The following INTS6 variants were observed in gnomAD, a reference collection of about 807,000 sequenced individuals.
INTS6 encodes integrator complex subunit 6.
In INTS6, 16 loss-of-function variants were observed where a neutral mutation model predicts 104.9. The observed-to-expected ratio is 0.15, with a 90% CI of 0.10 to 0.23. INTS6 has a LOEUF of 0.23. Ranked by LOEUF, INTS6 falls within the 10% of genes least tolerant of loss-of-function variation. The pLI is 1.00. For synonymous variants in INTS6, 324 were observed against 358.7 expected, an observed-to-expected ratio of 0.90 and a Z score of 1.09; for missense variants, 584 against 1,062.8, an observed-to-expected ratio of 0.55 and a Z score of 6.26.
In INTS6 at chr13:51,452,472, G is replaced by A. The variant is rs140804137; in HGVS notation, c.54C>T (p.Ser18=). 56 of 1,612,080 alleles carry A rather than the reference G, an allele frequency of 3.5e-5. No individual in the cohort carries two copies. The highest frequency in any genetic ancestry group is 3.3e-4 in the Admixed American group (20 of 59,950). Residue 18 remains serine, a synonymous_variant, in exon 1 of 18, where the codon AGC becomes AGT. Coordinates refer to ENST00000311234, the MANE Select transcript of INTS6 (RefSeq NM_012141.3). This position sits in a 1 kb window ranked among gnomAD's most constrained non-coding sequence, Gnocchi z 4.2. ...IDTSASMNQR[S]HLGTTYLDTA... ...TGTCCAGGTAGGTGGTGCCCAGATG[G>A]CTGCGCTGGTTCATAGAGGCAGACG...
downstream of INTS6, among the ~76,000 whole-genome samples, chr13:51,360,757 CAATAAA>C (rs1281421765): frequency 2.0e-5 from 3 of 151,996 alleles, no homozygotes; most frequent in Admixed American, 2.0e-4. Context: ...AATTGTGCCT[CAATAAA>C]GCCTGTAATA....
the INTS6 span, chr13:51,348,695 G>A: frequency 2.5e-6 from 1 of 396,488 alleles, no homozygotes; most frequent in South Asian, 4.9e-5. Context: ...AGCCCCCCAG[G>A]ACCCCCTGAT....
intron 4 of INTS6, among the ~76,000 whole-genome samples, chr13:51,416,563 T>C (rs982756027): frequency 6.6e-6 from 1 of 152,234 alleles, no homozygotes. Context: ...TTGTATTCCT[T>C]TTTAAGGCTG....
chr13:51,385,838 T>A (rs1956133053), intron 7 of INTS6, among the ~76,000 whole-genome samples: 1 of 152,148 alleles, frequency 6.6e-6, no homozygotes, highest in South Asian at 2.1e-4. Context: ...GTGAACCATA[T>A]CAATAGCCCT....
At chr13:51,410,189 T>C (rs968423128) in intron 4 of INTS6, among the ~76,000 whole-genome samples, 1 of 152,176 alleles carries the variant, frequency 6.6e-6, no homozygotes, top group African/African-American at 2.4e-5. Flanking sequence ...GTAATTCCAA[T>C]AAAAATTGCA....
chr13:51,380,386 T>C (rs1170228283), intron 10 of INTS6, among the ~76,000 whole-genome samples: 1 of 152,196 alleles, frequency 6.6e-6, no homozygotes, highest in Non-Finnish European at 1.5e-5. Context: ...TATTAGAAAG[T>C]GTATAAGCAC....
chr13:51,337,759 G>A, the INTS6 span, among the ~76,000 whole-genome samples: 2 of 152,202 alleles, frequency 1.3e-5, no homozygotes, highest in Admixed American at 6.5e-5. Context: ...GTCTAATAGA[G>A]TAGCTGGAAC....
the INTS6 span, among the ~76,000 whole-genome samples, chr13:51,336,046 C>T: frequency 6.6e-6 from 1 of 152,132 alleles, no homozygotes; most frequent in African/African-American, 2.4e-5. Flanking sequence ...GCAGCAACAA[C>T]TTATGTTAAC....
chr13:51,339,250 C>A, the INTS6 span: 1 of 152,222 alleles, frequency 6.6e-6, no homozygotes, highest in Admixed American at 6.5e-5. Context: ...TGCAGAATTT[C>A]TTTTCATTTG....
chr13:51,398,560 A>G (rs1956380873), intron 4 of INTS6, among the ~76,000 whole-genome samples: 1 of 152,134 alleles, frequency 6.6e-6, no homozygotes, highest in African/African-American at 2.4e-5. Flanking sequence ...CCAAGTGATG[A>G]CAAGAATATA....
the INTS6 span, chr13:51,341,478 C>A: frequency 1.1e-6 from 1 of 901,420 alleles, no homozygotes; most frequent in Non-Finnish European, 1.7e-6. Context: ...CACACTCACT[C>A]TCTCCAGCTC....
In INTS6 at chr13:51,361,739, C is replaced by G; in HGVS notation, c.*4013G>C. 1.5e-6 allele frequency: 2 copies of G among 1,354,618 alleles called. No homozygotes were observed. Among genetic ancestry groups the G allele is most frequent in the Non-Finnish European group, 2.0e-6 (2 of 996,952 alleles). The allele number at this position is 1,354,618 out of a possible 1,614,324, so 83.9% of individuals were successfully genotyped here. A position where few individuals can be genotyped will look rare whatever the true frequency, so the allele number is the denominator to read the frequency against. On this transcript the variant is annotated 3_prime_UTR_variant, in exon 18 of 18. Transcript: ENST00000311234. ...TTTGATTTCTTAAAAAATTAACTTA[C>G]TTCATAACCAATAGTTATTTTCTTA...
chr13:51,403,868 G>C (rs1323948828), intron 4 of INTS6, among the ~76,000 whole-genome samples: 2 of 152,002 alleles, frequency 1.3e-5, no homozygotes, highest in Non-Finnish European at 1.5e-5. Flanking sequence ...CAAAGTAAAA[G>C]AGATGCAAAG....
chr13:51,358,705 C>T (rs1357406255), downstream of INTS6, among the ~76,000 whole-genome samples: 1 of 151,970 alleles, frequency 6.6e-6, no homozygotes, highest in Admixed American at 6.6e-5. Context: ...ATTTATGCTT[C>T]TAGGAGCTAA....
At chr13:51,349,286 A>C (rs983260619), downstream of INTS6, among the ~76,000 whole-genome samples, 1 of 152,190 alleles carries the variant, frequency 6.6e-6, no homozygotes, top group Non-Finnish European at 1.5e-5. Flanking sequence ...CACTAGAAGG[A>C]AAAAATACAA....
At chr13:51,350,738 C>T (rs1382672339), downstream of INTS6, among the ~76,000 whole-genome samples, 2 of 152,034 alleles carry the variant, frequency 1.3e-5, no homozygotes, top group East Asian at 3.9e-4. Context: ...CTACTAATTC[C>T]AGAACCTTTT....
At chr13:51,395,568 C>G in intron 4 of INTS6, 85 bp from the exon 5 acceptor site, 3 of 1,147,758 alleles carry the variant, frequency 2.6e-6, no homozygotes, top group Non-Finnish European at 3.6e-6. Flanking sequence ...TACGTTAGAA[C>G]TGCATCAACT....
chr13:51,384,686 A>G (rs758828084), intron 7 of INTS6: 3 of 456,692 alleles, frequency 6.6e-6, no homozygotes, highest in South Asian at 4.6e-5. Flanking sequence ...CTCATCCTCC[A>G]TATTTAACTG....
At chr13:51,383,768 A>T in intron 7 of INTS6, 27 bp from the exon 8 acceptor site, 1 of 1,545,678 alleles carries the variant, frequency 6.5e-7, no homozygotes, top group Non-Finnish European at 8.8e-7. Flanking sequence ...TGTAATTACT[A>T]CTTACATGAA....
Sources: allele counts gnomAD v4.1 joint callset (sites outside exome capture counted in the v4.1 genomes callset), GRCh38; gene constraint gnomAD v4.1.1; non-coding constraint Gnocchi (gnomAD v3.1); transcripts MANE v1.5; gene names NCBI Gene and HGNC (gene_info 2026-07-23, HGNC 2026-07-21).